Variants in NPAS3 observed in about 807,000 individuals in gnomAD.
NPAS3 encodes the protein neuronal PAS domain protein 3, also known as neuronal PAS domain-containing protein 3.
In NPAS3, 14 loss-of-function variants were observed where a neutral mutation model predicts 73.1. The ratio of observed to expected loss-of-function variants is 0.19; its 90% CI spans 0.13 to 0.30. The LOEUF (loss-of-function observed/expected upper bound fraction) is 0.30. Among genes scored for constraint, NPAS3 ranks in the 10% least tolerant of loss-of-function variants. The pLI, the probability that NPAS3 is intolerant of heterozygous loss-of-function variation, is 1.00. For synonymous variants in NPAS3, 620 were observed against 541.5 expected (o/e 1.14, Z -2.01); for missense variants, 1,096 against 1,250.0 (o/e 0.88, Z 1.86).
intron 2 of NPAS3, among the ~76,000 whole-genome samples, chr14:33,201,631 T>C (rs994058192): frequency 6.6e-6 from 1 of 152,216 alleles, no homozygotes; most frequent in African/African-American, 2.4e-5. Context: ...GATATCTGCC[T>C]TGGTCAAGGA....
intron 6 of NPAS3, among the ~76,000 whole-genome samples, chr14:33,717,571 C>A (rs189811284): frequency 1.6e-4 from 25 of 151,922 alleles, no homozygotes; most frequent in Non-Finnish European, 2.1e-4. Context: ...TTAAAATCAC[C>A]CCAAATTCCT....
intron 1 of NPAS3, among the ~76,000 whole-genome samples, chr14:33,016,257 A>G (rs1285033516): frequency 1.3e-5 from 2 of 152,088 alleles, no homozygotes; most frequent in Non-Finnish European, 2.9e-5. Flanking sequence ...CAATCCAAAT[A>G]AAAAAAATTT....
intron 6 of NPAS3, among the ~76,000 whole-genome samples, chr14:33,698,176 C>G (rs990322438): frequency 3.3e-5 from 5 of 152,164 alleles, no homozygotes; most frequent in African/African-American, 1.2e-4. Flanking sequence ...ACTCAACCAT[C>G]ACAGGGCTAG....
chr14:33,378,604 C>T (rs2046405247), intron 4 of NPAS3, among the ~76,000 whole-genome samples: 1 of 151,920 alleles, frequency 6.6e-6, no homozygotes, highest in Non-Finnish European at 1.5e-5. Flanking sequence ...CCAGTGCACT[C>T]CAGTCCGGGA....
At chr14:32,965,498 A>C (rs544431207) in intron 1 of NPAS3, among the ~76,000 whole-genome samples, 3 of 152,344 alleles carry the variant, frequency 2.0e-5, no homozygotes, top group African/African-American at 7.2e-5. Context: ...TCATTTGACA[A>C]AATTCAATGT....
intron 5 of NPAS3, among the ~76,000 whole-genome samples, chr14:33,647,070 AAGTC>A (rs1188156370): frequency 6.6e-6 from 1 of 152,160 alleles, no homozygotes; most frequent in African/African-American, 2.4e-5. Context: ...AATGATGTGA[AAGTC>A]AGGTATATTA....
At chr14:33,097,679 T>A (rs1285627553) in intron 2 of NPAS3, among the ~76,000 whole-genome samples, 1 of 152,238 alleles carries the variant, frequency 6.6e-6, no homozygotes, top group Non-Finnish European at 1.5e-5. Flanking sequence ...AAGATCTGTT[T>A]TCTGTCGTTC....
At chr14:32,956,036 G>GA (rs938747909) in intron 1 of NPAS3, among the ~76,000 whole-genome samples, 18 of 151,990 alleles carry the variant, frequency 1.2e-4, no homozygotes, top group Non-Finnish European at 4.4e-5. Flanking sequence ...AAGGAGTAAA[G>GA]AAAATCAGTT....
At chr14:33,429,778 T>C (rs1462645015) in intron 4 of NPAS3, among the ~76,000 whole-genome samples, 2 of 152,104 alleles carry the variant, frequency 1.3e-5, no homozygotes, top group African/African-American at 2.4e-5. Context: ...ATTTTGAAAG[T>C]TGGATGTTAT....
chr14:33,348,392 C>G (rs770204398), intron 3 of NPAS3, among the ~76,000 whole-genome samples: 1 of 152,050 alleles, frequency 6.6e-6, no homozygotes, highest in Non-Finnish European at 1.5e-5. Context: ...GGATAAATGT[C>G]TTTAAACCCT....
chr14:33,024,132 GTGTGTGTATA>G (rs1335375688), intron 1 of NPAS3, among the ~76,000 whole-genome samples: 12 of 138,154 alleles, frequency 8.7e-5, no homozygotes, highest in African/African-American at 3.0e-4. Flanking sequence ...ATATATGTGT[GTGTGTGTATA>G]TGTGTGTGTG....
intron 3 of NPAS3, among the ~76,000 whole-genome samples, chr14:33,349,369 A>T (rs2044912747): frequency 6.6e-6 from 1 of 152,198 alleles, no homozygotes; most frequent in Non-Finnish European, 1.5e-5. Flanking sequence ...GAATTATTTC[A>T]GTTGCTTATG....
chr14:33,335,698 G>A (rs2044196855), intron 3 of NPAS3, among the ~76,000 whole-genome samples: 1 of 152,084 alleles, frequency 6.6e-6, no homozygotes, highest in African/African-American at 2.4e-5. Flanking sequence ...TAGTAATCTT[G>A]GACGTTTGAG....
At chr14:32,937,659 A>C (rs889229008), upstream of NPAS3, among the ~76,000 whole-genome samples, 1 of 152,138 alleles carries the variant, frequency 6.6e-6, no homozygotes, top group Non-Finnish European at 1.5e-5. Context: ...TCCCAGCCCT[A>C]CTTTACTGGA....
chr14:33,286,899 C>T (rs1052525576), intron 3 of NPAS3, among the ~76,000 whole-genome samples: 7 of 152,128 alleles, frequency 4.6e-5, no homozygotes, highest in African/African-American at 1.4e-4. Flanking sequence ...AAAGAGCAGC[C>T]GTGATTTCCT....
chr14:33,473,999 CA>C (rs1463131018), intron 4 of NPAS3, among the ~76,000 whole-genome samples: 1 of 152,114 alleles, frequency 6.6e-6, no homozygotes, highest in African/African-American at 2.4e-5. Flanking sequence ...CAAGGAATCA[CA>C]AGCAAAGATT....
intron 3 of NPAS3, among the ~76,000 whole-genome samples, chr14:33,295,265 C>T (rs570322085): frequency 4.6e-5 from 7 of 152,242 alleles, no homozygotes; most frequent in African/African-American, 1.7e-4. Flanking sequence ...TAAATACCTC[C>T]CAGCTCCCGT....
At chr14:33,429,544 G>A (rs568330563) in intron 4 of NPAS3, among the ~76,000 whole-genome samples, 1 of 152,284 alleles carries the variant, frequency 6.6e-6, no homozygotes, top group African/African-American at 2.4e-5. Flanking sequence ...AGCATGTACT[G>A]AGGTGTCACC....
At chr14:33,621,780 A>C (rs2058082505) in intron 5 of NPAS3, among the ~76,000 whole-genome samples, 1 of 152,194 alleles carries the variant, frequency 6.6e-6, no homozygotes, top group Non-Finnish European at 1.5e-5. Context: ...AAGAAGAAAA[A>C]AACATAAGTA....
Sources: allele counts gnomAD v4.1 joint callset (sites outside exome capture counted in the v4.1 genomes callset), GRCh38; gene constraint gnomAD v4.1.1; transcripts MANE v1.5; gene names NCBI Gene and HGNC (gene_info 2026-07-23, HGNC 2026-07-21).